CGAS: variants seen among roughly 807,000 people sequenced by gnomAD.
CGAS encodes cyclic GMP-AMP synthase, also known as 2'3'-cGAMP synthase.
CGAS carries 31 observed loss-of-function variants against 34.0 expected under a neutral mutation model. The observed-to-expected ratio is 0.91, with a 90% confidence interval of 0.69 to 1.23. CGAS has a LOEUF of 1.23. Ranked by LOEUF, CGAS falls within the 50% of genes most tolerant of loss-of-function variation. The pLI is 0.00. For missense variants in CGAS, 597 were observed against 657.6 expected, an observed-to-expected ratio of 0.91 and a Z score of 1.01; for synonymous variants, 266 against 260.0, an observed-to-expected ratio of 1.02 and a Z score of -0.22.
chr6:73,452,291 A>C lies in CGAS; in HGVS notation c.-110T>G. On this transcript the variant is annotated 5_prime_UTR_variant, in exon 1 of 5. Transcript: ENST00000370315. ...CAAGCACTACTGGCGGGCACACAAG[A>C]GTCTGCGACCCGAAGGGGAACCCCA... The C allele has an allele frequency of 7.7e-7, 1 of 1,301,980 alleles. No individual in the cohort carries two copies. Among genetic ancestry groups the C allele is most frequent in the Non-Finnish European group, 1.0e-6 (1 of 993,232 alleles). The allele number at this position is 1,301,980 out of a possible 1,614,324, so 80.7% of individuals were successfully genotyped here. A position where few individuals can be genotyped will look rare whatever the true frequency, so the allele number is the denominator to read the frequency against.
chr6:73,428,115 T>C (rs1378656468), intron 4 of CGAS, among the ~76,000 whole-genome samples: 2 of 151,880 alleles, frequency 1.3e-5, no homozygotes, highest in African/African-American at 2.4e-5. Flanking sequence ...TCTCAGCTAC[T>C]TGGGGGGCTG....
intron 1 of CGAS, among the ~76,000 whole-genome samples, chr6:73,449,719 G>T (rs1384352145): frequency 6.6e-6 from 1 of 152,126 alleles, no homozygotes; most frequent in Non-Finnish European, 1.5e-5. Flanking sequence ...GTCTGGGCTG[G>T]GTGCCGTGGC....
chr6:73,424,480 G>C lies in CGAS; in HGVS notation c.*747C>G, dbSNP rs971939348. The C allele has an allele frequency of 1.3e-5, 2 of 149,892 alleles. No homozygotes were observed. The highest frequency in any genetic ancestry group is 4.9e-5 in the African/African-American group (2 of 40,986). 9.3% of individuals were successfully genotyped at this position (149,892 alleles called of 1,614,324 possible). A position where few individuals can be genotyped will look rare whatever the true frequency, so the allele number is the denominator to read the frequency against. ...GTATTTCCTGGCCAGGCACGGCGGA[G>C]AGCTGTTTTTCAGTAAGAACTTGAT... On this transcript the variant is annotated 3_prime_UTR_variant, in exon 5 of 5. Coordinates refer to ENST00000370315, the MANE Select transcript of CGAS (RefSeq NM_138441.3).
Position 73,452,088 on chromosome 6 carries a change from T to C in CGAS, c.94A>G (p.Met32Val). Residue 32 changes from methionine to valine, a missense_variant, in exon 1 of 5, where the codon ATG becomes GTG. By Grantham distance (21) the Met-to-Val change is conservative. Around this residue, in one of 3 missense-constraint regions of CGAS, gnomAD observed 321 missense variants for 314.3 expected, o/e 1.02. Coordinates refer to ENST00000370315, the MANE Select transcript of CGAS (RefSeq NM_138441.3). ...ASARNARGAP[M>V]DPTESPAAPE... ...GCAGCCGGAGACTCGGTGGGATCCA[T>C]CGGGGCGCCCCTGGCATTCCGTGCG... is the stretch of plus-strand genomic sequence containing the variant. 1 of 1,580,064 alleles carries C rather than the reference T, an allele frequency of 6.3e-7. No homozygotes were observed. The highest frequency in any genetic ancestry group is 2.3e-5 in the East Asian group (1 of 43,236).
chr6:73,434,837 G>A (rs1770254100), intron 3 of CGAS, among the ~76,000 whole-genome samples: 1 of 151,838 alleles, frequency 6.6e-6, no homozygotes, highest in Non-Finnish European at 1.5e-5. Flanking sequence ...TAGTAGAGAC[G>A]GGGTTTTGCC....
intron 3 of CGAS, among the ~76,000 whole-genome samples, chr6:73,432,849 C>T (rs1014916299): frequency 7.2e-5 from 11 of 152,068 alleles, no homozygotes; most frequent in Admixed American, 5.2e-4. Context: ...TTTGGGAGGC[C>T]GAGGTGAGCA....
intron 3 of CGAS, among the ~76,000 whole-genome samples, chr6:73,435,437 ATC>A (rs1277478766): frequency 6.6e-6 from 1 of 152,130 alleles, no homozygotes; most frequent in East Asian, 1.9e-4. Flanking sequence ...GCCTATGGAG[ATC>A]TGGGAAATGC....
In CGAS at chr6:73,440,584, G is replaced by C. The variant is rs569203218; in HGVS notation, c.878-139C>G. ...AACATTAGTGGTAAAACAGAAACTG[G>C]CTCTAAAAGGCAAAGTATTTTACTA... is the stretch of plus-strand genomic sequence containing the variant. On this transcript the variant is annotated intron_variant, in intron 2 of 4. Transcript: ENST00000370315. 4.1e-4 allele frequency: 309 copies of C among 751,004 alleles called. 2 individuals are homozygous for C. The highest frequency in any genetic ancestry group is 3.2e-4 in the Non-Finnish European group (151 of 476,222). 46.5% of individuals were successfully genotyped at this position (751,004 alleles called of 1,614,324 possible).
intron 1 of CGAS, among the ~76,000 whole-genome samples, chr6:73,447,285 T>G (rs12198919): frequency 0.039 from 5,979 of 152,078 alleles, 191 homozygotes; most frequent in East Asian, 0.19. Context: ...AAGTTTTCAG[T>G]TTTTTGTTTT....
chr6:73,436,524 C>T (rs1206098903), intron 3 of CGAS, among the ~76,000 whole-genome samples: 4 of 99,204 alleles, frequency 4.0e-5, no homozygotes, highest in Non-Finnish European at 8.5e-5. Context: ...AAAAGGGACA[C>T]CTTTTTCTTT....
chr6:73,439,226 CT>C (rs376728290), intron 3 of CGAS, among the ~76,000 whole-genome samples: 1,510 of 144,582 alleles, frequency 0.01, 8 homozygotes, highest in South Asian at 0.017. Flanking sequence ...CAGCTACTTT[CT>C]TTTTTTTTTT....
At chr6:73,428,938 G>GTACTT in intron 3 of CGAS, 127 bp from the exon 4 acceptor site, 1 of 816,484 alleles carries the variant, frequency 1.2e-6, no homozygotes, top group South Asian at 1.8e-5. Context: ...TGTAATCTCA[G>GTACTT]TACTTTGGGA....
chr6:73,451,990 G>C lies in CGAS; in HGVS notation c.192C>G (p.Ser64Arg), dbSNP rs1200706493. Residue 64 changes from serine to arginine, a missense_variant, in exon 1 of 5, where the codon AGC (serine) becomes AGG (arginine). Physicochemically the swap from Ser to Arg is moderately radical, Grantham distance 110. Coordinates refer to ENST00000370315, the MANE Select transcript of CGAS (RefSeq NM_138441.3). ...GCGGCCTCTCCTGGGTGTCCGGGGCGCTCTTTTTCTGCCGGGATCCCGACT... is the reference window on the plus strand; with the variant it reads ...GCGGCCTCTCCTGGGTGTCCGGGGCCCTCTTTTTCTGCCGGGATCCCGACT... ...ARKSGSRQKKSAPDTQERPPV... is the reference protein window; with the variant it reads ...ARKSGSRQKKRAPDTQERPPV... 1 of 1,477,400 alleles carries C rather than the reference G, an allele frequency of 6.8e-7. No individual in the cohort carries two copies. The highest frequency in any genetic ancestry group is 9.0e-7 in the Non-Finnish European group (1 of 1,112,584). 91.5% of individuals were successfully genotyped at this position (1,477,400 alleles called of 1,614,324 possible).
intron 4 of CGAS, among the ~76,000 whole-genome samples, chr6:73,428,238 C>T (rs887466915): frequency 5.9e-5 from 9 of 151,810 alleles, no homozygotes; most frequent in South Asian, 2.1e-4. Flanking sequence ...AAAAAAATTA[C>T]TCACTTAGTG....
chr6:73,450,093 G>A (rs1214611294), intron 1 of CGAS, among the ~76,000 whole-genome samples: 1 of 124,770 alleles, frequency 8.0e-6, no homozygotes, highest in Non-Finnish European at 1.8e-5. Flanking sequence ...GAGACAGAGA[G>A]ATAGAGAGAA....
intron 3 of CGAS, among the ~76,000 whole-genome samples, chr6:73,433,723 G>A (rs1770232799): frequency 6.6e-6 from 1 of 151,622 alleles, no homozygotes. Context: ...TCTTGACCTC[G>A]TAATCCACTC....
chr6:73,425,180 A>G lies in CGAS; in HGVS notation c.*47T>C. 1 of 1,385,324 alleles carries G rather than the reference A, an allele frequency of 7.2e-7. No individual in the cohort carries two copies. Among genetic ancestry groups the G allele is most frequent in the East Asian group, 2.4e-5 (1 of 41,152 alleles). The allele number at this position is 1,385,324 out of a possible 1,614,324, so 85.8% of individuals were successfully genotyped here. A position where few individuals can be genotyped will look rare whatever the true frequency, so the allele number is the denominator to read the frequency against. On this transcript the variant is annotated 3_prime_UTR_variant, in exon 5 of 5. Transcript: ENST00000370315. ...TTTTCAAATTTTTCTTGTATTCTCC[A>G]GGATTTAGGGTGACTCTAGTTCTTA...
intron 2 of CGAS, among the ~76,000 whole-genome samples, 181 bp from the exon 3 acceptor site, chr6:73,440,626 G>A (rs776853919): frequency 2.0e-5 from 3 of 152,178 alleles, no homozygotes; most frequent in Admixed American, 6.6e-5. Flanking sequence ...TATTGGCTGG[G>A]CATGATGGCT....
At chr6:73,432,524 C>A (rs914333246) in intron 3 of CGAS, among the ~76,000 whole-genome samples, 1 of 152,170 alleles carries the variant, frequency 6.6e-6, no homozygotes, top group African/African-American at 2.4e-5. Context: ...GTGACATGAT[C>A]TCGGCTCACA....
Sources: allele counts gnomAD v4.1 joint callset (sites outside exome capture counted in the v4.1 genomes callset), GRCh38; gene constraint gnomAD v4.1.1; regional missense constraint gnomAD v4.1.1; transcripts MANE v1.5; gene names NCBI Gene and HGNC (gene_info 2026-07-23, HGNC 2026-07-21).